The following CYBC1 variants were observed in gnomAD, a reference collection of about 807,000 sequenced individuals.
CYBC1 encodes cytochrome b-245 chaperone 1, also known as essential for reactive oxygen species protein.
Under a neutral mutation model 21.7 loss-of-function variants are expected in CYBC1, and 22 were observed. The ratio of observed to expected loss-of-function variants is 1.02; its 90% confidence interval spans 0.73 to 1.45. CYBC1 has a LOEUF of 1.45. Ranked by LOEUF, CYBC1 falls within the 40% of genes most tolerant of loss-of-function variation. The probability of loss-of-function intolerance (pLI) is 0.00; values close to 1 mark genes in which losing one functional copy is unlikely to be tolerated. For missense variants in CYBC1, 237 were observed against 242.1 expected (o/e 0.98, Z 0.14); for synonymous variants, 112 against 98.7 (o/e 1.13, Z -0.80).
At chr17:82,447,022 C>A in intron 3 of CYBC1, 1 of 428,912 alleles carries the variant, frequency 2.3e-6, no homozygotes, top group African/African-American at 2.0e-5. Flanking sequence ...AGCATCTCTC[C>A]GGGAATATTT....
chr17:82,444,378 G>C lies in CYBC1; in HGVS notation c.443+69C>G, dbSNP rs1354704516. 4.5e-6 allele frequency: 7 copies of C among 1,549,410 alleles called. No homozygotes were observed. In the Admixed American group the frequency reaches 1.1e-4, roughly 24 times the overall value. On this transcript the variant is annotated intron_variant, in intron 6 of 6. Transcript: ENST00000306645. ...CCTCTCCCAGCTGCCCCATAGCTCT[G>C]GGCAGTCAGGAACGGGAGTGACCTG...
intron 5 of CYBC1, chr17:82,445,475 GA>G: frequency 5.8e-6 from 1 of 172,458 alleles, no homozygotes; most frequent in South Asian, 1.2e-4. Context: ...GCTGGGGCCA[GA>G]CTGCACCTGC....
Position 82,447,611 on chromosome 17 carries a change from C to T in CYBC1, c.96G>A (p.Ser32=), listed in dbSNP as rs1275684165. 14 of 1,597,290 alleles carry T rather than the reference C, an allele frequency of 8.8e-6. No homozygotes were observed. Among genetic ancestry groups the T allele is most frequent in the South Asian group, 1.1e-5 (1 of 87,366 alleles). ...TGTAGTAGGCAGCAGCCAGGCCAAT[C>T]GACAAGATTCCTATGAAGAGAAAGT... ...RSWSLLVGIL[S]IGLAAAYYSG... is the part of the protein sequence containing the mutation. The change falls in exon 3 of 7, where the codon TCG becomes TCA. Residue 32 remains serine (S), a synonymous_variant. Transcript: ENST00000306645.
Position 82,445,883 on chromosome 17 carries a change from GAA to G in CYBC1, c.277_278del (p.Phe93GlnfsTer13), listed in dbSNP as rs1252279716. On this transcript the variant is annotated frameshift_variant, in exon 5 of 7. Coordinates refer to ENST00000306645, the MANE Select transcript of CYBC1 (RefSeq NM_001033046.4). LOFTEE classifies it high-confidence loss of function. ...ACTCACCCTGGTCGTGGCCAGCTCT[GAA>G]AAGAGTCAGCAGCTTCTTGTAGAGG... ...FSLYKKLLTL[F>X]RAGHDQVVVL... 1.9e-6 allele frequency: 3 copies of G among 1,612,576 alleles called. No individual in the cohort carries two copies. Among genetic ancestry groups the G allele is most frequent in the East Asian group, 2.2e-5 (1 of 44,886 alleles).
rs1295514453 is a variant in CYBC1 at position 82,443,976 on chromosome 17, G to A, written c.*28C>T. 1 of 1,609,294 alleles carries A rather than the reference G, an allele frequency of 6.2e-7. No individual in the cohort carries two copies. The highest frequency in any genetic ancestry group is 1.3e-5 in the African/African-American group (1 of 74,898). ...GAATGTGCCATGGGTCCTGTGGGCGGTGCACGGGCTCAGGCACAGTGGGGC... is the reference window on the plus strand; with the variant it reads ...GAATGTGCCATGGGTCCTGTGGGCGATGCACGGGCTCAGGCACAGTGGGGC... On this transcript the variant is annotated 3_prime_UTR_variant, in exon 7 of 7. Transcript: ENST00000306645. The surrounding 1 kb of genome is among the most constrained non-coding windows in gnomAD (Gnocchi z 6.7).
chr17:82,448,866 G>A (rs1020345904), intron 2 of CYBC1: 2 of 340,052 alleles, frequency 5.9e-6, no homozygotes, highest in Non-Finnish European at 1.1e-5. Context: ...GAGGAGACAT[G>A]GGAACCCACG....
In CYBC1 at chr17:82,445,861, C is replaced by G; in HGVS notation, c.298+3G>C. On this transcript the variant is annotated splice_donor_region_variant and intron_variant, in intron 5 of 6. Coordinates refer to ENST00000306645, the MANE Select transcript of CYBC1 (RefSeq NM_001033046.4). Reference sequence around the variant, plus strand: ...CCATGTCCCCACGCTCCCCACGACTCACCCTGGTCGTGGCCAGCTCTGAAA... The same window carrying G: ...CCATGTCCCCACGCTCCCCACGACTGACCCTGGTCGTGGCCAGCTCTGAAA... 6.2e-7 allele frequency: 1 copy of G among 1,606,196 alleles called. No individual in the cohort carries two copies. Among genetic ancestry groups the G allele is most frequent in the Non-Finnish European group, 8.5e-7 (1 of 1,175,474 alleles).
At position 82,445,859 on chromosome 17, in the gene CYBC1, C is replaced by T. The variant is rs755415664; in HGVS notation, c.298+5G>A. 1.9e-6 allele frequency: 3 copies of T among 1,606,882 alleles called. No individual in the cohort carries two copies. The highest frequency in any genetic ancestry group is 2.2e-5 in the East Asian group (1 of 44,794). On this transcript the variant is annotated splice_donor_5th_base_variant and intron_variant, in intron 5 of 6. Transcript: ENST00000306645. ...TCCCATGTCCCCACGCTCCCCACGA[C>T]TCACCCTGGTCGTGGCCAGCTCTGA... is the stretch of plus-strand genomic sequence containing the variant.
chr17:82,449,170 C>A lies in CYBC1; in HGVS notation c.85G>T (p.Gly29Ter). The A allele has an allele frequency of 6.4e-7, 1 of 1,567,982 alleles. No individual in the cohort carries two copies. Among genetic ancestry groups the A allele is most frequent in the East Asian group, 2.3e-5 (1 of 42,864 alleles). The change falls in exon 2 of 7, where the codon GGA (glycine) becomes TGA (stop). Residue 29 changes from glycine to a stop codon, truncating the protein, a stop_gained and splice_region_variant. Transcript: ENST00000306645. LOFTEE classifies it high-confidence loss of function. ...TGGGGAGGGACGTGGAGAGCCTTAC[C>A]AACCAGCAGGGACCAGGACCGGATG... ...PGIRSWSLLV[G>*]ILSIGLAAAY... is the part of the protein sequence containing the mutation.
At position 82,449,228 on chromosome 17, in the gene CYBC1, G is replaced by A. The variant is rs373528172; in HGVS notation, c.27C>T (p.Thr9=). Residue 9 remains threonine, a synonymous_variant, in exon 2 of 7, where the codon ACC becomes ACT. Transcript: ENST00000306645. ...CCCTCTTCAGATGGAGGCGGGAGCT[G>A]GTGCGGGTCTCCACCTGCAGGTACA... MYLQVETR[T]SSRLHLKRAP... 2 of 1,578,868 alleles carry A rather than the reference G, an allele frequency of 1.3e-6. No homozygotes were observed. The highest frequency in any genetic ancestry group is 8.6e-7 in the Non-Finnish European group (1 of 1,162,774).
rs1479499631 is a variant in CYBC1, at chr17:82,450,712, G to C, written c.-51C>G. 6.6e-6 allele frequency: 1 copy of C among 152,398 alleles called. No homozygotes were observed. The highest frequency in any genetic ancestry group is 3.4e-3 in the Middle Eastern group (1 of 292). 9.4% of individuals were successfully genotyped at this position (152,398 alleles called of 1,614,324 possible). On this transcript the variant is annotated 5_prime_UTR_variant, in exon 1 of 7. Transcript: ENST00000306645. ...CCCAGCCGCCTACCGAGAGCACAGC[G>C]GTCCCCGCGCCGCAGCAGAGAGACG...
In CYBC1 at chr17:82,442,821, GGCTCACAGGGCCCAGGAGTCCCCA is replaced by G. The variant is rs1216374337; in HGVS notation, c.*1159_*1182del. On this transcript the variant is annotated 3_prime_UTR_variant, in exon 7 of 7. Transcript: ENST00000306645. The surrounding 1 kb of genome is among the most constrained non-coding windows in gnomAD (Gnocchi z 6.8). Reference sequence around the variant, plus strand: ...GCCATTCCTGGGCCTGCCGCCTAGGGGCTCACAGGGCCCAGGAGTCCCCAGCTCACAGGCCAGGGCATCAGGCCA... The same window carrying G: ...GCCATTCCTGGGCCTGCCGCCTAGGGGCTCACAGGCCAGGGCATCAGGCCA... The G allele has an allele frequency of 2.0e-6, 1 of 500,634 alleles. No individual in the cohort carries two copies. Among genetic ancestry groups the G allele is most frequent in the Non-Finnish European group, 3.6e-6 (1 of 280,602 alleles). The allele number at this position is 500,634 out of a possible 1,614,324, so 31.0% of individuals were successfully genotyped here.
Position 82,449,282 on chromosome 17 carries a change from G to A in CYBC1, c.-28C>T. 1 of 1,507,676 alleles carries A rather than the reference G, an allele frequency of 6.6e-7. No homozygotes were observed. The highest frequency in any genetic ancestry group is 8.9e-7 in the Non-Finnish European group (1 of 1,124,520). The allele number at this position is 1,507,676 out of a possible 1,614,324, so 93.4% of individuals were successfully genotyped here. A position where few individuals can be genotyped will look rare whatever the true frequency, so the allele number is the denominator to read the frequency against. On this transcript the variant is annotated 5_prime_UTR_variant, in exon 2 of 7. Coordinates refer to ENST00000306645, the MANE Select transcript of CYBC1 (RefSeq NM_001033046.4). Reference sequence around the variant, plus strand: ...CGAGAGGGCAGCACCACTCTCTACAGGAGGAGGGGTCTGGGAACAGACAGA... The same window carrying A: ...CGAGAGGGCAGCACCACTCTCTACAAGAGGAGGGGTCTGGGAACAGACAGA...
chr17:82,447,550 CA>C, intron 3 of CYBC1, 29 bp downstream of exon 3: 1 of 1,095,620 alleles, frequency 9.1e-7, no homozygotes, highest in Admixed American at 2.3e-5. Flanking sequence ...CTGAGACAGT[CA>C]TGGGGGGGTG....
At position 82,446,604 on chromosome 17, in the gene CYBC1, G is replaced by A. The variant is rs112450525; in HGVS notation, c.201+19C>T. On this transcript the variant is annotated intron_variant, in intron 4 of 6. Transcript: ENST00000306645. ...GCTGAACAGCCCTGGACTCTGTCCC[G>A]CACCCGAGCCGGCCTTACCTCCCAG... 40,552 of 1,612,980 alleles carry A rather than the reference G, an allele frequency of 0.025. 610 individuals carry two copies. The highest frequency in any genetic ancestry group is 0.052 in the Admixed American group (3,097 of 60,006).
At chr17:82,446,983 A>G (rs1417599854) in intron 3 of CYBC1, 1 of 512,148 alleles carries the variant, frequency 2.0e-6, no homozygotes, top group Non-Finnish European at 3.5e-6. Context: ...AGTACACCTC[A>G]TCCCACAGCT....
intron 3 of CYBC1, 149 bp downstream of exon 3, chr17:82,447,431 G>A: frequency 1.4e-6 from 1 of 703,398 alleles, no homozygotes; most frequent in Non-Finnish European, 2.5e-6. Context: ...AGCGCATGGA[G>A]GGCGCGGTGC....
At position 82,449,153 on chromosome 17, in the gene CYBC1, GA is replaced by G; in HGVS notation, c.85+16del. 3.2e-6 allele frequency: 5 copies of G among 1,545,880 alleles called. No homozygotes were observed. Among genetic ancestry groups the G allele is most frequent in the Non-Finnish European group, 4.4e-6 (5 of 1,147,424 alleles). On this transcript the variant is annotated intron_variant, in intron 2 of 6. Coordinates refer to ENST00000306645, the MANE Select transcript of CYBC1 (RefSeq NM_001033046.4). ...TTCCGGTTCTGGGGTTCTGGGGAGG[GA>G]CGTGGAGAGCCTTACCAACCAGCAG...
rs1599775609 is a variant in CYBC1, at chr17:82,444,764, A to G, written c.299-173T>C. ...GGAGGACTGCTGTGGCCCTGAAGGC[A>G]GTGCAGGGTCCTCTGGGTGGGAAGG... is the stretch of plus-strand genomic sequence containing the variant. On this transcript the variant is annotated intron_variant, in intron 5 of 6. Coordinates refer to ENST00000306645, the MANE Select transcript of CYBC1 (RefSeq NM_001033046.4). 7.7e-6 allele frequency: 6 copies of G among 775,314 alleles called. No individual in the cohort carries two copies. The East Asian group carries it at 8.3e-5, about 11-fold the overall frequency. 48.0% of individuals were successfully genotyped at this position (775,314 alleles called of 1,614,324 possible). A position where few individuals can be genotyped will look rare whatever the true frequency, so the allele number is the denominator to read the frequency against.
Sources: allele counts gnomAD v4.1 joint callset, GRCh38; gene constraint gnomAD v4.1.1; non-coding constraint Gnocchi (gnomAD v3.1); transcripts MANE v1.5; gene names NCBI Gene and HGNC (gene_info 2026-07-23, HGNC 2026-07-21).